COX7B2: variants seen among roughly 807,000 people sequenced by gnomAD.
COX7B2 encodes the protein cytochrome c oxidase subunit 7B2.
For missense variants in COX7B2, 109 were observed against 95.9 expected, an observed-to-expected ratio of 1.14 and a Z score of -0.57; for synonymous variants, 37 against 32.1, an observed-to-expected ratio of 1.15 and a Z score of -0.51.
intron 2 of COX7B2, among the ~76,000 whole-genome samples, chr4:46,819,497 G>C (rs1212779584): frequency 6.7e-6 from 1 of 149,894 alleles, no homozygotes; most frequent in African/African-American, 2.5e-5. Context: ...ATTGTCTTGG[G>C]CCACACATAA....
At chr4:46,754,720 GTGTGTGTGTATATA>G (rs1259985483) in intron 2 of COX7B2, among the ~76,000 whole-genome samples, 1 of 36,846 alleles carries the variant, frequency 2.7e-5, no homozygotes, top group African/African-American at 1.4e-4. Context: ...GTGTGTGTGT[GTGTGTGTGTATATA>G]TATATATATA....
intron 1 of COX7B2, among the ~76,000 whole-genome samples, chr4:46,875,861 A>G (rs1718286690): frequency 6.6e-6 from 1 of 151,966 alleles, no homozygotes; most frequent in South Asian, 2.1e-4. Flanking sequence ...AAATTCTATT[A>G]ATTCTGAACA....
At chr4:46,754,728 G>GTGTATATATATATATA (rs1333586285) in intron 2 of COX7B2, among the ~76,000 whole-genome samples, 27 of 39,864 alleles carry the variant, frequency 6.8e-4, no homozygotes, top group East Asian at 1.3e-3. Flanking sequence ...GTGTGTGTGT[G>GTGTATATATATATATA]TATATATATA....
At chr4:46,886,974 G>A (rs928607777) in intron 1 of COX7B2, among the ~76,000 whole-genome samples, 2 of 152,104 alleles carry the variant, frequency 1.3e-5, no homozygotes, top group South Asian at 4.1e-4. Context: ...TTTTAAACTC[G>A]ACACAGGAAG....
chr4:46,832,727 C>G (rs576513081), intron 2 of COX7B2, among the ~76,000 whole-genome samples: 4 of 152,170 alleles, frequency 2.6e-5, no homozygotes, highest in African/African-American at 4.8e-5. Context: ...AGTTAGTTCA[C>G]TTAAGATATG....
At chr4:46,822,448 G>T (rs537362486) in intron 2 of COX7B2, among the ~76,000 whole-genome samples, 9 of 152,192 alleles carry the variant, frequency 5.9e-5, no homozygotes, top group Non-Finnish European at 1.3e-4. Flanking sequence ...GAAGAGAGAA[G>T]TATCTATTTG....
chr4:46,893,249 TTA>T (rs372130736), intron 1 of COX7B2, among the ~76,000 whole-genome samples: 49 of 152,302 alleles, frequency 3.2e-4, no homozygotes, highest in African/African-American at 1.1e-3. Flanking sequence ...ATATGTAATA[TTA>T]TATGTCTTTC....
Position 46,859,062 on chromosome 4 carries a change from A to G in COX7B2, c.-104-14048T>C, listed in dbSNP as rs76289049. The stretch of plus-strand genomic sequence containing the variant: ...CTTTCAGAGATAATGTGTTGTTCTT[A>G]AAATATGTGGATGAGTATGAGGAAG... On this transcript the variant is annotated intron_variant, in intron 1 of 2. Transcript: ENST00000355591. 5.5e-3 allele frequency among the ~76,000 whole-genome samples: 830 copies of G among 152,284 alleles called. 8 individuals are homozygous for G. Among genetic ancestry groups the G allele is most frequent in the African/African-American group, 0.019 (771 of 41,556 alleles).
At chr4:46,803,526 G>A (rs1022786287) in intron 2 of COX7B2, among the ~76,000 whole-genome samples, 4 of 151,916 alleles carry the variant, frequency 2.6e-5, no homozygotes, top group Admixed American at 2.0e-4. Context: ...AATATCTTAA[G>A]GTAATGTTCC....
intron 2 of COX7B2, among the ~76,000 whole-genome samples, chr4:46,762,585 T>C (rs1156818048): frequency 6.7e-6 from 1 of 148,830 alleles, no homozygotes; most frequent in East Asian, 2.0e-4. Context: ...TATGCTGCTT[T>C]CTAATGTTCT....
intron 2 of COX7B2, among the ~76,000 whole-genome samples, chr4:46,810,763 G>T (rs1719246643): frequency 6.6e-6 from 1 of 152,022 alleles, no homozygotes; most frequent in Admixed American, 6.6e-5. Context: ...ATGTATTAAT[G>T]ATAGTAATGA....
chr4:46,824,352 A>T (rs1714524204), intron 2 of COX7B2, among the ~76,000 whole-genome samples: 1 of 152,112 alleles, frequency 6.6e-6, no homozygotes, highest in Admixed American at 6.5e-5. Flanking sequence ...AAATCTGGCA[A>T]CATACACATC....
At chr4:46,837,479 C>T (rs761226062) in intron 2 of COX7B2, among the ~76,000 whole-genome samples, 1 of 151,914 alleles carries the variant, frequency 6.6e-6, no homozygotes, top group African/African-American at 2.4e-5. Flanking sequence ...TTCATAGTGA[C>T]TAAAAGCACA....
chr4:46,895,630 C>G (rs1018734671), intron 1 of COX7B2, among the ~76,000 whole-genome samples: 2 of 152,204 alleles, frequency 1.3e-5, no homozygotes, highest in East Asian at 3.9e-4. Flanking sequence ...CACATATACC[C>G]CTAAACCTAA....
At chr4:46,808,795 C>T (rs543776672) in intron 2 of COX7B2, among the ~76,000 whole-genome samples, 8 of 151,910 alleles carry the variant, frequency 5.3e-5, no homozygotes, top group Admixed American at 3.3e-4. Flanking sequence ...GAGATGATCA[C>T]GTGGTTTATA....
At chr4:46,742,029 C>A (rs1243106551) in intron 2 of COX7B2, among the ~76,000 whole-genome samples, 2 of 152,044 alleles carry the variant, frequency 1.3e-5, no homozygotes, top group Non-Finnish European at 2.9e-5. Context: ...TTCTTTTAGG[C>A]CACTGAAAGA....
chr4:46,850,950 GT>G (rs1716635620), intron 1 of COX7B2, among the ~76,000 whole-genome samples: 1 of 152,072 alleles, frequency 6.6e-6, no homozygotes, highest in Admixed American at 6.6e-5. Flanking sequence ...AAAAAATGAT[GT>G]TGCCAATTTA....
intron 2 of COX7B2, among the ~76,000 whole-genome samples, chr4:46,751,496 C>T (rs1715374845): frequency 6.6e-6 from 1 of 152,024 alleles, no homozygotes; most frequent in African/African-American, 2.4e-5. Flanking sequence ...TTACATTATG[C>T]TACTGTCAAC....
intron 1 of COX7B2, among the ~76,000 whole-genome samples, chr4:46,899,576 T>C (rs1246332416): frequency 6.6e-6 from 1 of 152,092 alleles, no homozygotes; most frequent in African/African-American, 2.4e-5. Flanking sequence ...TTTTCGCCAA[T>C]GAGAGAGAGA....
Sources: allele counts gnomAD v4.1 joint callset (sites outside exome capture counted in the v4.1 genomes callset), GRCh38; gene constraint gnomAD v4.1.1; transcripts MANE v1.5; gene names NCBI Gene and HGNC (gene_info 2026-07-23, HGNC 2026-07-21).